CACNG2: variants seen among roughly 807,000 people sequenced by gnomAD.
The protein encoded by CACNG2 is voltage-dependent calcium channel gamma-2 subunit.
A neutral mutation model predicts 25.9 loss-of-function variants in CACNG2; 3 were observed. The ratio of observed to expected loss-of-function variants is 0.12; its 90% CI spans 0.05 to 0.30. The LOEUF is 0.30. Among genes scored for constraint, CACNG2 ranks in the 10% least tolerant of loss-of-function variants. CACNG2 has a pLI of 1.00. For synonymous variants in CACNG2, 167 were observed against 173.3 expected, an observed-to-expected ratio of 0.96 and a Z score of 0.29; for missense variants, 341 against 432.5, an observed-to-expected ratio of 0.79 and a Z score of 1.88.
At chr22:36,634,107 G>C (rs993540557) in intron 1 of CACNG2, among the ~76,000 whole-genome samples, 5 of 152,216 alleles carry the variant, frequency 3.3e-5, no homozygotes, top group Non-Finnish European at 5.9e-5. Flanking sequence ...CGTCAGGTAA[G>C]TTACTTAGCA....
intron 1 of CACNG2, among the ~76,000 whole-genome samples, chr22:36,673,875 ACACT>A (rs1286887997): frequency 1.3e-5 from 2 of 151,858 alleles, no homozygotes; most frequent in African/African-American, 4.8e-5. Context: ...GGAAGTGAAA[ACACT>A]CAGGCAGGCA....
In CACNG2 at chr22:36,592,552, C is replaced by T. The variant is rs368935153; in HGVS notation, c.212-5004G>A. Among the ~76,000 whole-genome samples, 32 of 152,156 alleles carry T rather than the reference C, an allele frequency of 2.1e-4. No individual in the cohort carries two copies. The East Asian group carries it at 2.9e-3, about 14-fold the overall frequency. ...ATTCGCTGTTGTTTTCTATATACAT[C>T]GAGTATATATTAAGAAACTGCCTAC... On this transcript the variant is annotated intron_variant, in intron 1 of 3. Transcript: ENST00000300105.
At chr22:36,571,886 A>AAC (rs1555892754) in intron 2 of CACNG2, among the ~76,000 whole-genome samples, 3 of 149,048 alleles carry the variant, frequency 2.0e-5, no homozygotes, top group African/African-American at 7.4e-5. Context: ...CAAAAACAAA[A>AAC]AAAAAAAAAA....
At chr22:36,691,631 T>C (rs767519045) in intron 1 of CACNG2, among the ~76,000 whole-genome samples, 1 of 152,154 alleles carries the variant, frequency 6.6e-6, no homozygotes, top group Non-Finnish European at 1.5e-5. Flanking sequence ...CAGGCTTGGG[T>C]TGGAATCCCA....
At chr22:36,599,537 A>G (rs1035180183) in intron 1 of CACNG2, among the ~76,000 whole-genome samples, 4 of 151,938 alleles carry the variant, frequency 2.6e-5, no homozygotes, top group African/African-American at 4.8e-5. Flanking sequence ...CTGTCTCTAC[A>G]AAAAAATAAA....
At chr22:36,641,667 G>C (rs1203690161) in intron 1 of CACNG2, among the ~76,000 whole-genome samples, 1 of 152,122 alleles carries the variant, frequency 6.6e-6, no homozygotes, top group Non-Finnish European at 1.5e-5. Context: ...CGATTCTCTA[G>C]GCAATTGAAT....
chr22:36,650,524 C>T (rs1041040212), intron 1 of CACNG2, among the ~76,000 whole-genome samples: 1 of 152,096 alleles, frequency 6.6e-6, no homozygotes, highest in Middle Eastern at 3.4e-3. Flanking sequence ...TAAGCATGTG[C>T]CACCACACCC....
intron 1 of CACNG2, among the ~76,000 whole-genome samples, chr22:36,664,654 A>G (rs1231223737): frequency 1.3e-5 from 2 of 152,200 alleles, no homozygotes; most frequent in Admixed American, 1.3e-4. Context: ...AAGCCGACTA[A>G]CAAACCCGAG....
intron 2 of CACNG2, among the ~76,000 whole-genome samples, chr22:36,567,641 G>A (rs1292858758): frequency 1.3e-5 from 2 of 150,156 alleles, no homozygotes; most frequent in Non-Finnish European, 3.0e-5. Flanking sequence ...GGCTACATGT[G>A]TTTGTGGGGG....
At chr22:36,600,527 T>C (rs1012864316) in intron 1 of CACNG2, among the ~76,000 whole-genome samples, 3 of 151,190 alleles carry the variant, frequency 2.0e-5, no homozygotes, top group African/African-American at 7.3e-5. Context: ...AAATAGTCTT[T>C]AAAAAAGCTT....
chr22:36,586,200 G>C (rs1344995044), intron 2 of CACNG2, among the ~76,000 whole-genome samples: 1 of 152,190 alleles, frequency 6.6e-6, no homozygotes, highest in Non-Finnish European at 1.5e-5. Context: ...ATCCATCTTG[G>C]CCTCCCCAGC....
chr22:36,604,789 A>T (rs561495269), intron 1 of CACNG2, among the ~76,000 whole-genome samples: 1 of 152,222 alleles, frequency 6.6e-6, no homozygotes, highest in Non-Finnish European at 1.5e-5. Context: ...CATAACATAT[A>T]TTTTTTGAGA....
In CACNG2 at chr22:36,653,982, C is replaced by CTGTGTGTG. The variant is rs34435196; in HGVS notation, c.211+48376_211+48383dup. On this transcript the variant is annotated intron_variant, in intron 1 of 3. Transcript: ENST00000300105. ...TGTTTGTGTGTGTGTGTGTGTGTCT[C>CTGTGTGTG]TGTGTGTGTGTGTGTGTGTGTGTGT... Among the ~76,000 whole-genome samples the CTGTGTGTG allele has an allele frequency of 3.3e-3, 438 of 134,192 alleles. 3 individuals carry two copies. The highest frequency in any genetic ancestry group is 0.012 in the African/African-American group (414 of 35,868). 88.0% of individuals were successfully genotyped at this position (134,192 alleles called of 152,430 possible).
intron 2 of CACNG2, among the ~76,000 whole-genome samples, chr22:36,582,194 C>T (rs1352383910): frequency 6.6e-6 from 1 of 152,142 alleles, no homozygotes; most frequent in Non-Finnish European, 1.5e-5. Flanking sequence ...ACAGCCAGAG[C>T]CTGTTCAAAA....
intron 1 of CACNG2, among the ~76,000 whole-genome samples, chr22:36,671,671 AG>A (rs1936952334): frequency 6.6e-6 from 1 of 152,148 alleles, no homozygotes; most frequent in Admixed American, 6.5e-5. Context: ...TGTTGACTGA[AG>A]GGAGAGGGTT....
chr22:36,634,841 G>C (rs950121579), intron 1 of CACNG2, among the ~76,000 whole-genome samples: 1 of 152,208 alleles, frequency 6.6e-6, no homozygotes, highest in African/African-American at 2.4e-5. Flanking sequence ...AAAATATCAG[G>C]CTTCTGAAGG....
At chr22:36,694,143 C>A (rs1270089089) in intron 1 of CACNG2, among the ~76,000 whole-genome samples, 1 of 152,166 alleles carries the variant, frequency 6.6e-6, no homozygotes, top group Non-Finnish European at 1.5e-5. Flanking sequence ...TTCTTAGCAC[C>A]CTGCCTACGT....
intron 1 of CACNG2, among the ~76,000 whole-genome samples, chr22:36,676,568 G>A (rs1386445914): frequency 3.3e-5 from 5 of 152,190 alleles, no homozygotes; most frequent in Admixed American, 6.5e-5. Flanking sequence ...GCTGCCCTGC[G>A]AAGCCCAGGG....
intron 1 of CACNG2, among the ~76,000 whole-genome samples, chr22:36,613,597 T>C (rs979757037): frequency 5.3e-5 from 8 of 152,148 alleles, no homozygotes; most frequent in African/African-American, 1.9e-4. Flanking sequence ...TGGGGCTCTC[T>C]CTTTGGCTGT....
Sources: gnomAD v4.1 joint callset for allele counts (sites outside exome capture counted in the v4.1 genomes callset) on GRCh38, gnomAD v4.1.1 for gene constraint, MANE v1.5 for transcripts, NCBI Gene and HGNC (gene_info 2026-07-23, HGNC 2026-07-21) for gene names.